The following ARHGAP17 variants were observed in gnomAD, a reference collection of about 807,000 sequenced individuals.
ARHGAP17 encodes the protein Rho GTPase activating protein 17.
ARHGAP17 carries 57 observed loss-of-function variants against 99.5 expected under a neutral mutation model. The ratio of observed to expected loss-of-function variants is 0.57; its 90% CI spans 0.46 to 0.71. The LOEUF is 0.71. Ranked by LOEUF, ARHGAP17 falls within the 30% of genes least tolerant of loss-of-function variation. The pLI is 0.00. For missense variants in ARHGAP17, 1,000 were observed against 1,122.4 expected (o/e 0.89, Z 1.56); for synonymous variants, 417 against 429.6 (o/e 0.97, Z 0.36).
intron 1 of ARHGAP17, among the ~76,000 whole-genome samples, chr16:25,009,545 T>G (rs1328118133): frequency 6.6e-6 from 1 of 152,158 alleles, no homozygotes; most frequent in African/African-American, 2.4e-5. Flanking sequence ...TTCATTCAAT[T>G]CGGCAGCAGG....
chr16:24,937,242 T>C (rs1301304297), intron 17 of ARHGAP17, among the ~76,000 whole-genome samples: 1 of 151,376 alleles, frequency 6.6e-6, no homozygotes, highest in Non-Finnish European at 1.5e-5. Flanking sequence ...GCAAACATGG[T>C]GAAACCCCAT....
chr16:24,966,166 G>A (rs995949611), intron 6 of ARHGAP17, among the ~76,000 whole-genome samples: 26 of 152,284 alleles, frequency 1.7e-4, no homozygotes, highest in Admixed American at 1.0e-3. Context: ...AAGATGTATC[G>A]CAGGGTGGCC....
intron 19 of ARHGAP17, among the ~76,000 whole-genome samples, chr16:24,928,220 G>T (rs2050891381): frequency 6.6e-6 from 1 of 152,190 alleles, no homozygotes; most frequent in Admixed American, 6.5e-5. Flanking sequence ...CTAAATGTTG[G>T]CCTTCTGTGT....
In ARHGAP17 at chr16:24,942,020, G is replaced by T. The variant is rs562260268; in HGVS notation, c.1457C>A (p.Ala486Glu). Residue 486 changes from alanine (A) to glutamate (E), a missense_variant, in exon 16 of 20, where the codon GCG becomes GAG. By Grantham distance (107) the Ala-to-Glu change is moderately radical. Around this residue, in one of 2 missense-constraint regions of ARHGAP17, gnomAD observed 472 missense variants for 611.1 expected, o/e 0.77. Transcript: ENST00000289968. ...CTTCACCAAGTCTCCTTCCATCACCGCCATGCTAGCAGGCCGCTTCCTCTC... is the reference window on the plus strand; with the variant it reads ...CTTCACCAAGTCTCCTTCCATCACCTCCATGCTAGCAGGCCGCTTCCTCTC... Reference protein sequence around the residue: ...TLERKRPASMAVMEGDLVKKE... With the variant: ...TLERKRPASMEVMEGDLVKKE... 2 of 1,613,968 alleles carry T rather than the reference G, an allele frequency of 1.2e-6. No homozygotes were observed. The highest frequency in any genetic ancestry group is 1.7e-6 in the Non-Finnish European group (2 of 1,179,922).
intron 4 of ARHGAP17, 95 bp downstream of exon 4, chr16:24,970,412 C>G (rs2052327036): frequency 8.4e-7 from 1 of 1,196,276 alleles, no homozygotes; most frequent in Non-Finnish European, 1.2e-6. Flanking sequence ...CATCAACGCT[C>G]ACAGTTCCTC....
intron 3 of ARHGAP17, among the ~76,000 whole-genome samples, chr16:24,975,300 G>T (rs191503344): frequency 6.6e-6 from 1 of 152,206 alleles, no homozygotes; most frequent in South Asian, 2.1e-4. Flanking sequence ...TTTTTGCTTG[G>T]TTGAAAATGG....
At position 24,930,965 on chromosome 16, in the gene ARHGAP17, G is replaced by T. The variant is rs753144544; in HGVS notation, c.2334C>A (p.Thr778=). ...KQNPSLPAPQ[T]LAGGNPETAQ... The stretch of plus-strand genomic sequence containing the variant: ...CAGTTTCAGGGTTACCCCCTGCCAG[G>T]GTCTGAGGAGCTGGCAGACTGGGGT... The change falls in exon 19 of 20, where the codon ACC becomes ACA. Residue 778 remains threonine (T), a synonymous_variant. Coordinates refer to ENST00000289968, the MANE Select transcript of ARHGAP17 (RefSeq NM_001006634.3). The T allele has an allele frequency of 1.1e-5, 18 of 1,613,856 alleles. 1 individual carries two copies. In the South Asian group the frequency reaches 2.0e-4, roughly 18 times the overall value.
At chr16:24,960,741 C>G (rs1477417223) in intron 7 of ARHGAP17, among the ~76,000 whole-genome samples, 1 of 142,806 alleles carries the variant, frequency 7.0e-6, no homozygotes, top group Non-Finnish European at 1.5e-5. Flanking sequence ...GGTGTGAACC[C>G]GGGAGGCAGA....
chr16:24,954,142 C>T (rs1307496538), intron 10 of ARHGAP17, among the ~76,000 whole-genome samples: 1 of 152,150 alleles, frequency 6.6e-6, no homozygotes, highest in African/African-American at 2.4e-5. Context: ...TAAAAACTCC[C>T]TTATTTGGTT....
chr16:24,932,797 G>A (rs2051031747), intron 18 of ARHGAP17, among the ~76,000 whole-genome samples: 1 of 152,006 alleles, frequency 6.6e-6, no homozygotes, highest in Non-Finnish European at 1.5e-5. Context: ...CTGGTTTTGG[G>A]CTGGGAGGGG....
intron 1 of ARHGAP17, among the ~76,000 whole-genome samples, chr16:24,984,861 T>C (rs990580543): frequency 2.0e-5 from 3 of 151,958 alleles, no homozygotes; most frequent in African/African-American, 7.3e-5. Flanking sequence ...TTAATCTTTT[T>C]ATAAAATGGG....
intron 1 of ARHGAP17, among the ~76,000 whole-genome samples, chr16:24,981,870 G>A (rs1013507202): frequency 8.5e-5 from 13 of 152,068 alleles, no homozygotes; most frequent in Admixed American, 3.9e-4. Context: ...TATCTAAAAT[G>A]TAAAGAAAAT....
rs541814059 is a variant in ARHGAP17 at position 24,968,529 on chromosome 16, A to G, written c.385-102T>C. 3.1e-5 allele frequency: 47 copies of G among 1,519,542 alleles called. 1 individual carries two copies. The South Asian group carries it at 5.3e-4, about 17-fold the overall frequency. 94.1% of individuals were successfully genotyped at this position (1,519,542 alleles called of 1,614,324 possible). ...TTTTCTCTAAGGCAAAGGATTTTGT[A>G]CCTTCAATTGACTCCCCTTATTTCC... On this transcript the variant is annotated intron_variant, in intron 5 of 19. Transcript: ENST00000289968.
intron 19 of ARHGAP17, among the ~76,000 whole-genome samples, chr16:24,921,994 C>T (rs144198781): frequency 2.0e-5 from 3 of 152,336 alleles, no homozygotes; most frequent in East Asian, 1.9e-4. Flanking sequence ...CGGCAAATAG[C>T]AGATGTTCAA....
chr16:24,943,893 T>TTCC (rs1331867821), intron 14 of ARHGAP17, 31 bp from the exon 15 acceptor site: 2 of 1,565,362 alleles, frequency 1.3e-6, no homozygotes, highest in Non-Finnish European at 1.8e-6. Context: ...ATTAAAATAC[T>TTCC]TCCTGTAGGC....
chr16:25,002,239 T>C (rs1817539653), intron 1 of ARHGAP17, among the ~76,000 whole-genome samples: 1 of 152,144 alleles, frequency 6.6e-6, no homozygotes, highest in Admixed American at 6.5e-5. Context: ...AGAATTACTG[T>C]TCCCTATGTA....
intron 1 of ARHGAP17, among the ~76,000 whole-genome samples, chr16:24,992,612 G>A (rs1243474203): frequency 1.3e-5 from 2 of 152,132 alleles, no homozygotes; most frequent in Non-Finnish European, 2.9e-5. Context: ...GGGATTACAG[G>A]CGTGAGCCAC....
intron 1 of ARHGAP17, among the ~76,000 whole-genome samples, chr16:24,992,390 C>T (rs2053072277): frequency 6.6e-6 from 1 of 152,172 alleles, no homozygotes; most frequent in African/African-American, 2.4e-5. Flanking sequence ...GGCTGGAGTG[C>T]AGTGGCACAA....
chr16:24,960,499 C>T lies in ARHGAP17; in HGVS notation c.574-520G>A, dbSNP rs534092064. On this transcript the variant is annotated intron_variant, in intron 7 of 19. Transcript: ENST00000289968. Reference sequence around the variant, plus strand: ...GGTGGTGGTTGCAGTGAGCTGAGATCGTGTGCCACTGCACTCCAGCCTGGC... The same window carrying T: ...GGTGGTGGTTGCAGTGAGCTGAGATTGTGTGCCACTGCACTCCAGCCTGGC... Among the ~76,000 whole-genome samples, 102 of 151,186 alleles carry T rather than the reference C, an allele frequency of 6.7e-4. No homozygotes were observed. In the South Asian group the frequency reaches 0.021, roughly 31 times the overall value.
Sources: gnomAD v4.1 joint callset for allele counts (sites outside exome capture counted in the v4.1 genomes callset) on GRCh38, gnomAD v4.1.1 for gene constraint, gnomAD v4.1.1 regional missense constraint, MANE v1.5 for transcripts, NCBI Gene and HGNC (gene_info 2026-07-23, HGNC 2026-07-21) for gene names.